TBATA: variants seen among roughly 807,000 people sequenced by gnomAD.
TBATA encodes the protein protein TBATA.
TBATA carries 47 observed loss-of-function variants against 38.7 expected under a neutral mutation model. The ratio of observed to expected loss-of-function variants is 1.21; its 90% CI spans 0.96 to 1.55. The LOEUF (loss-of-function observed/expected upper bound fraction) is 1.55, where lower values mean the gene tolerates loss of function less well. TBATA is among the 40% of genes most tolerant of loss of function. The pLI, the probability that TBATA is intolerant of heterozygous loss-of-function variation, is 0.00. For synonymous variants in TBATA, 183 were observed against 170.5 expected, an observed-to-expected ratio of 1.07 and a Z score of -0.57; for missense variants, 436 against 435.6, an observed-to-expected ratio of 1.00 and a Z score of -0.01.
At chr10:70,776,574 T>C (rs1187336782) in intron 7 of TBATA, among the ~76,000 whole-genome samples, 1 of 152,204 alleles carries the variant, frequency 6.6e-6, no homozygotes. Context: ...ACAGTGCTGG[T>C]CACAAGGAAG....
At position 70,778,680 on chromosome 10, in the gene TBATA, C is replaced by T. The variant is rs574314652; in HGVS notation, c.428-44G>A. 5.8e-6 allele frequency: 9 copies of T among 1,554,838 alleles called. No homozygotes were observed. In the African/African-American group the frequency reaches 1.2e-4, roughly 21 times the overall value. ...GTCCTGCCAACTGAAGTCAGGGGCC[C>T]TCCTCCCCTCCCTGTGCCACCAGGC... On this transcript the variant is annotated intron_variant, in intron 5 of 10. Coordinates refer to ENST00000456372, the MANE Select transcript of TBATA (RefSeq NM_001318241.2).
At chr10:70,782,323 T>A in intron 3 of TBATA, 1 of 1,445,802 alleles carries the variant, frequency 6.9e-7, no homozygotes, top group Non-Finnish European at 9.2e-7. Context: ...AGACCATATC[T>A]GAAACCAGAA....
chr10:70,775,971 G>A (rs1345479398), intron 7 of TBATA, among the ~76,000 whole-genome samples: 1 of 152,220 alleles, frequency 6.6e-6, no homozygotes, highest in Non-Finnish European at 1.5e-5. Flanking sequence ...TTAGCATCAG[G>A]AAAAGATCCA....
At chr10:70,779,848 C>G (rs930748263) in intron 4 of TBATA, 106 bp from the exon 5 acceptor site, 22 of 1,142,788 alleles carry the variant, frequency 1.9e-5, no homozygotes, top group Non-Finnish European at 2.5e-5. Flanking sequence ...TCCACCTCTT[C>G]CAGTAACCAC....
chr10:70,778,532 A>G (rs1232400835), intron 6 of TBATA, 25 bp downstream of exon 6: 11 of 1,609,266 alleles, frequency 6.8e-6, no homozygotes, highest in Non-Finnish European at 9.4e-6. Flanking sequence ...CTCTTCCCAG[A>G]CTAGCTCCTG....
At chr10:70,784,295 T>C (rs921730159) in intron 2 of TBATA, among the ~76,000 whole-genome samples, 79 of 152,284 alleles carry the variant, frequency 5.2e-4, no homozygotes, top group African/African-American at 1.8e-3. Context: ...GTGATGATGT[T>C]CTTGTTCTTG....
At chr10:70,772,475 T>C (rs1842887489) in intron 10 of TBATA, 39 bp downstream of exon 10, 1 of 1,605,326 alleles carries the variant, frequency 6.2e-7, no homozygotes, top group African/African-American at 1.3e-5. Context: ...GAGTGGGCCT[T>C]GGTGAGTCCC....
At chr10:70,784,239 G>A (rs983118296) in intron 2 of TBATA, among the ~76,000 whole-genome samples, 6 of 152,204 alleles carry the variant, frequency 3.9e-5, no homozygotes, top group Admixed American at 6.6e-5. Flanking sequence ...GAGGGAAGGC[G>A]GGGAGGGGAA....
intron 3 of TBATA, chr10:70,782,308 C>T (rs1844319967): frequency 6.8e-7 from 1 of 1,474,344 alleles, no homozygotes; most frequent in Non-Finnish European, 9.0e-7. Flanking sequence ...CCAGTTTTTT[C>T]CCAGAGACCA....
chr10:70,783,763 G>T (rs535117641), intron 2 of TBATA, among the ~76,000 whole-genome samples: 1 of 152,284 alleles, frequency 6.6e-6, no homozygotes, highest in South Asian at 2.1e-4. Flanking sequence ...ATACTTTATT[G>T]CTATGAAAAT....
intron 10 of TBATA, 138 bp from the exon 11 acceptor site, chr10:70,771,599 G>A (rs575490487): frequency 7.3e-5 from 56 of 763,334 alleles, no homozygotes; most frequent in South Asian, 4.9e-4. Flanking sequence ...GCTGGTGACC[G>A]AGGAGGGAAT....
rs1409439302 is a variant in TBATA, at chr10:70,771,423, T to C, written c.1012A>G (p.Ser338Gly). 5 of 1,614,042 alleles carry C rather than the reference T, an allele frequency of 3.1e-6. No individual in the cohort carries two copies. Among genetic ancestry groups the C allele is most frequent in the Non-Finnish European group, 3.4e-6 (4 of 1,180,030 alleles). ...GATGTCTTCTTCTCTGTGTTCTGGC[T>C]TGAATGCATCTGGAGGACTTGAGCT... ...GEAQVLQMHSSQNTEKKTSKP... is the reference protein window; with the variant it reads ...GEAQVLQMHSGQNTEKKTSKP... The change falls in exon 11 of 11, where the codon AGC becomes GGC. Residue 338 changes from serine to glycine, a missense_variant. By Grantham distance (56) the Ser-to-Gly change is moderately conservative. Transcript: ENST00000456372.
chr10:70,780,579 A>C (rs1844077411), intron 4 of TBATA, among the ~76,000 whole-genome samples: 1 of 151,932 alleles, frequency 6.6e-6, no homozygotes, highest in Admixed American at 6.6e-5. Context: ...CCCCCTCTCG[A>C]ATGGCTCTCA....
intron 7 of TBATA, among the ~76,000 whole-genome samples, chr10:70,776,201 G>A (rs1422929534): frequency 5.3e-5 from 8 of 152,202 alleles, no homozygotes; most frequent in Non-Finnish European, 1.0e-4. Flanking sequence ...TGGAATCTGG[G>A]CTGGGCCTCT....
intron 6 of TBATA, chr10:70,777,781 GC>G: frequency 2.2e-6 from 1 of 447,858 alleles, no homozygotes; most frequent in Non-Finnish European, 4.4e-6. Context: ...CAGCTCAGCT[GC>G]CCCCAGGTCT....
chr10:70,781,722 C>T (rs1844239435), intron 4 of TBATA, 79 bp downstream of exon 4: 1 of 1,348,252 alleles, frequency 7.4e-7, no homozygotes, highest in Non-Finnish European at 1.0e-6. Flanking sequence ...AAATGGGCTG[C>T]CATCAATTCT....
At chr10:70,772,053 T>C (rs1290379719) in intron 10 of TBATA, among the ~76,000 whole-genome samples, 1 of 152,076 alleles carries the variant, frequency 6.6e-6, no homozygotes, top group Non-Finnish European at 1.5e-5. Flanking sequence ...GTCTGCTTGT[T>C]TTTCCACCAG....
Position 70,783,491 on chromosome 10 carries a change from C to G in TBATA, c.-112G>C. The G allele has an allele frequency of 7.9e-7, 1 of 1,268,140 alleles. No homozygotes were observed. Among genetic ancestry groups the G allele is most frequent in the South Asian group, 1.2e-5 (1 of 80,266 alleles). The allele number at this position is 1,268,140 out of a possible 1,614,324, so 78.6% of individuals were successfully genotyped here. A position where few individuals can be genotyped will look rare whatever the true frequency, so the allele number is the denominator to read the frequency against. ...TGAGGATGCAGAACAGGAACTCTCA[C>G]GAACTGGTGGTGGAAGTGTAAACGG... On this transcript the variant is annotated 5_prime_UTR_variant, in exon 3 of 11. Transcript: ENST00000456372.
At position 70,780,175 on chromosome 10, in the gene TBATA, G is replaced by C. The variant is rs140451814; in HGVS notation, c.278-433C>G. On this transcript the variant is annotated intron_variant, in intron 4 of 10. Coordinates refer to ENST00000456372, the MANE Select transcript of TBATA (RefSeq NM_001318241.2). ...GGCCTGGGCTCACATGACAGGGAGA[G>C]AGATTGAGCCACACCCTCTGCAGAA... 3.3e-5 allele frequency among the ~76,000 whole-genome samples: 5 copies of C among 152,196 alleles called. No individual in the cohort carries two copies. The South Asian group carries it at 8.3e-4, about 25-fold the overall frequency.
Sources: allele counts gnomAD v4.1 joint callset (sites outside exome capture counted in the v4.1 genomes callset), GRCh38; gene constraint gnomAD v4.1.1; transcripts MANE v1.5; gene names NCBI Gene and HGNC (gene_info 2026-07-23, HGNC 2026-07-21).